The following SMG7 variants were observed in gnomAD, a reference collection of about 807,000 sequenced individuals.
SMG7 encodes SMG7 nonsense mediated mRNA decay factor, also known as nonsense-mediated mRNA decay factor SMG7.
A neutral mutation model predicts 148.2 loss-of-function variants in SMG7; 34 were observed. That is an observed-to-expected ratio of 0.23 (90% CI 0.17 to 0.31). The LOEUF is 0.31. Among genes scored for constraint, SMG7 ranks in the 10% least tolerant of loss-of-function variants. The pLI, the probability that SMG7 is intolerant of heterozygous loss-of-function variation, is 1.00. For missense variants in SMG7, 1,114 were observed against 1,408.4 expected (o/e 0.79, Z 3.35); for synonymous variants, 492 against 515.1 (o/e 0.96, Z 0.61).
rs765292760 is a variant in SMG7 at position 183,502,247 on chromosome 1, A to G, written c.30-10590A>G. 9.8e-5 allele frequency: 148 copies of G among 1,511,134 alleles called. 1 individual carries two copies. The highest frequency in any genetic ancestry group is 2.7e-4 in the South Asian group (22 of 80,128). 93.6% of individuals were successfully genotyped at this position (1,511,134 alleles called of 1,614,324 possible). On this transcript the variant is annotated intron_variant, in intron 1 of 22. Transcript: ENST00000688051. ...AACTCATATTTTCCTCCTCTCCTCT[A>G]TCTAGAATGTCTTAAACCATTCTAC...
At chr1:183,516,232 A>G in intron 3 of SMG7, 1 of 347,666 alleles carries the variant, frequency 2.9e-6, no homozygotes, top group Non-Finnish European at 5.2e-6. Flanking sequence ...CAGCTCTTTT[A>G]GGGCCTGTCA....
chr1:183,546,987 C>T (rs1670036684), intron 17 of SMG7, 116 bp from the exon 18 acceptor site: 7 of 977,860 alleles, frequency 7.2e-6, no homozygotes, highest in Admixed American at 3.1e-5. Context: ...TGCCTAATAC[C>T]ATCTATCTCA....
Position 183,552,943 on chromosome 1 carries a change from A to C in SMG7, c.*1012A>C. On this transcript the variant is annotated 3_prime_UTR_variant, in exon 23 of 23. Transcript: ENST00000688051. ...ATGCTGTATGCTAGTAATTGTTTTT[A>C]TTCCTAATGTGTGCAACATCACATC... 1 of 1,527,750 alleles carries C rather than the reference A, an allele frequency of 6.5e-7. No individual in the cohort carries two copies. The highest frequency in any genetic ancestry group is 8.8e-7 in the Non-Finnish European group (1 of 1,140,780). 94.6% of individuals were successfully genotyped at this position (1,527,750 alleles called of 1,614,324 possible). A position where few individuals can be genotyped will look rare whatever the true frequency, so the allele number is the denominator to read the frequency against.
At chr1:183,483,784 A>G (rs912938802) in intron 1 of SMG7, among the ~76,000 whole-genome samples, 4 of 152,204 alleles carry the variant, frequency 2.6e-5, no homozygotes, top group Admixed American at 6.5e-5. Flanking sequence ...TTTAAGAACC[A>G]CAACTCAAAT....
chr1:183,516,505 C>A (rs1018260026), intron 3 of SMG7, among the ~76,000 whole-genome samples: 1 of 152,182 alleles, frequency 6.6e-6, no homozygotes, highest in Non-Finnish European at 1.5e-5. Flanking sequence ...TAGACTTTTC[C>A]GCTTCTTCTT....
intron 4 of SMG7, among the ~76,000 whole-genome samples, chr1:183,526,154 A>G (rs998269982): frequency 8.2e-5 from 6 of 73,422 alleles, no homozygotes; most frequent in Admixed American, 1.3e-4. Flanking sequence ...ATATATATAT[A>G]TATTTTTTTT....
At chr1:183,547,335 T>C in intron 18 of SMG7, 83 bp downstream of exon 18, 4 of 1,274,242 alleles carry the variant, frequency 3.1e-6, no homozygotes, top group Non-Finnish European at 4.2e-6. Flanking sequence ...TTAGGTGATT[T>C]CTTCTCTTCC....
At position 183,527,801 on chromosome 1, in the gene SMG7, T is replaced by A. The variant is rs1666151117; in HGVS notation, c.485-155T>A. 3.3e-6 allele frequency: 2 copies of A among 614,352 alleles called. No homozygotes were observed. Among genetic ancestry groups the A allele is most frequent in the East Asian group, 6.5e-5 (2 of 30,938 alleles). 38.1% of individuals were successfully genotyped at this position (614,352 alleles called of 1,614,324 possible). On this transcript the variant is annotated intron_variant, in intron 5 of 22. Coordinates refer to ENST00000688051, the MANE Select transcript of SMG7 (RefSeq NM_001375584.1). This position sits in a 1 kb window ranked among gnomAD's most constrained non-coding sequence, Gnocchi z 4.0. Reference sequence around the variant, plus strand: ...AGGCTGATGGACACTTCACACATAATCCTATAGTTAATTTGTTTTAAAGTA... The same window carrying A: ...AGGCTGATGGACACTTCACACATAAACCTATAGTTAATTTGTTTTAAAGTA...
At chr1:183,501,041 A>G (rs1439151400) in intron 1 of SMG7, 1 of 152,236 alleles carries the variant, frequency 6.6e-6, no homozygotes, top group East Asian at 1.9e-4. Context: ...GTGAAGAATT[A>G]TGAAAAATGT....
intron 10 of SMG7, among the ~76,000 whole-genome samples, chr1:183,535,409 C>A (rs1001309998): frequency 4.6e-5 from 7 of 152,070 alleles, no homozygotes; most frequent in African/African-American, 1.7e-4. Context: ...TTACCAAAAT[C>A]TTTAGAATTA....
intron 1 of SMG7, among the ~76,000 whole-genome samples, chr1:183,511,199 TG>T (rs1662062612): frequency 6.6e-6 from 1 of 152,164 alleles, no homozygotes; most frequent in Non-Finnish European, 1.5e-5. Flanking sequence ...AGTATGAGTC[TG>T]ATTTATACTT....
rs775033511 is a variant in SMG7, at chr1:183,546,135, A to G, written c.2540A>G (p.Lys847Arg). The G allele has an allele frequency of 1.2e-6, 2 of 1,614,070 alleles. No individual in the cohort carries two copies. Among genetic ancestry groups the G allele is most frequent in the Non-Finnish European group, 1.7e-6 (2 of 1,179,990 alleles). Residue 847 changes from lysine (K) to arginine (R), a missense_variant, in exon 17 of 23, where the codon AAA becomes AGA. Lys to Arg is a conservative substitution (Grantham distance 26, BLOSUM62 2). Coordinates refer to ENST00000688051, the MANE Select transcript of SMG7 (RefSeq NM_001375584.1). ...GTAATGCAGCAGCAGCCTCTAGAAA[A>G]AAAAATGAAGCCTTTTCCCATGGAG... is the stretch of plus-strand genomic sequence containing the variant. ...PPVMQQQPLE[K>R]KMKPFPMEPY... is the part of the protein sequence containing the mutation.
intron 1 of SMG7, among the ~76,000 whole-genome samples, chr1:183,495,944 T>A (rs1658386399): frequency 6.6e-6 from 1 of 151,766 alleles, no homozygotes; most frequent in Non-Finnish European, 1.5e-5. Flanking sequence ...ATATATGAAC[T>A]GTTGAAAATT....
intron 14 of SMG7, among the ~76,000 whole-genome samples, chr1:183,543,437 A>G (rs981151719): frequency 1.3e-5 from 2 of 152,110 alleles, no homozygotes; most frequent in African/African-American, 2.4e-5. Flanking sequence ...CAGAAAGACA[A>G]GGTAGAAATT....
chr1:183,517,941 T>TC, intron 4 of SMG7, 121 bp downstream of exon 4: 1 of 971,418 alleles, frequency 1.0e-6, no homozygotes, highest in Non-Finnish European at 1.6e-6. Flanking sequence ...CAGGGATTGA[T>TC]CACCTATAAT....
rs754161729 is a variant in SMG7 at position 183,529,033 on chromosome 1, C to G, written c.698C>G (p.Ala233Gly). The change falls in exon 7 of 23, where the codon GCA (alanine) becomes GGA (glycine). Residue 233 changes from alanine to glycine, a missense_variant. By Grantham distance (60) the Ala-to-Gly change is moderately conservative. This residue lies in a region of SMG7 where 216 missense variants were observed against 329.1 expected (regional missense o/e 0.66). Coordinates refer to ENST00000688051, the MANE Select transcript of SMG7 (RefSeq NM_001375584.1). ...STNLQKALSK[A>G]LESRDEVKTK... The stretch of plus-strand genomic sequence containing the variant: ...AATCTGCAAAAAGCACTTTCTAAAG[C>G]ACTGGAAAGGTAGGGTTGTTTGGTT... 8 of 1,610,870 alleles carry G rather than the reference C, an allele frequency of 5.0e-6. No homozygotes were observed. In the South Asian group the frequency reaches 8.9e-5, roughly 18 times the overall value.
rs944142710 is a variant in SMG7 at position 183,472,634 on chromosome 1, G to A, written c.14G>A (p.Ser5Asn). 1.4e-6 allele frequency: 2 copies of A among 1,468,356 alleles called. No individual in the cohort carries two copies. Among genetic ancestry groups the A allele is most frequent in the South Asian group, 1.3e-5 (1 of 75,126 alleles). The allele number at this position is 1,468,356 out of a possible 1,614,324, so 91.0% of individuals were successfully genotyped here. A position where few individuals can be genotyped will look rare whatever the true frequency, so the allele number is the denominator to read the frequency against. Residue 5 changes from serine (S) to asparagine (N), a missense_variant, in exon 1 of 23, where the codon AGC becomes AAC. Ser to Asn is a conservative substitution (Grantham distance 46). Coordinates refer to ENST00000688051, the MANE Select transcript of SMG7 (RefSeq NM_001375584.1). Reference protein sequence around the residue: MSLQSAQYLRQAEVL... With the variant: MSLQNAQYLRQAEVL... ...CGGCGGCGGAGGATGAGCCTGCAGA[G>A]CGCGCAGTACCTCCGGTGAGTGCCG...
intron 3 of SMG7, among the ~76,000 whole-genome samples, chr1:183,516,534 G>A (rs1663588466): frequency 6.6e-6 from 1 of 152,132 alleles, no homozygotes; most frequent in Non-Finnish European, 1.5e-5. Context: ...GGGCAAAATG[G>A]CAGATAACCA....
intron 1 of SMG7, among the ~76,000 whole-genome samples, chr1:183,489,982 C>A (rs1656527947): frequency 6.6e-6 from 1 of 152,192 alleles, no homozygotes; most frequent in South Asian, 2.1e-4. Flanking sequence ...AATTTTTGAG[C>A]CCCATCTCAG....
Sources: gnomAD v4.1 joint callset for allele counts (sites outside exome capture counted in the v4.1 genomes callset) on GRCh38, gnomAD v4.1.1 for gene constraint, gnomAD v4.1.1 regional missense constraint, Gnocchi (gnomAD v3.1) non-coding constraint, MANE v1.5 for transcripts, NCBI Gene and HGNC (gene_info 2026-07-23, HGNC 2026-07-21) for gene names.